KCNH1: variants seen among roughly 807,000 people sequenced by gnomAD.
The protein encoded by KCNH1 is voltage-gated delayed rectifier potassium channel KCNH1.
A neutral mutation model predicts 69.2 loss-of-function variants in KCNH1; 27 were observed. That is an observed-to-expected ratio of 0.39 (90% CI 0.29 to 0.54). The LOEUF (loss-of-function observed/expected upper bound fraction) is 0.54. Among genes scored for constraint, KCNH1 ranks in the 20% least tolerant of loss-of-function variants. The probability of loss-of-function intolerance (pLI) is 0.68; values close to 1 mark genes in which losing one functional copy is unlikely to be tolerated. For missense variants in KCNH1, 798 were observed against 1,261.6 expected (o/e 0.63, Z 5.57); for synonymous variants, 456 against 487.7 (o/e 0.93, Z 0.86).
intron 10 of KCNH1, among the ~76,000 whole-genome samples, chr1:210,733,018 T>C (rs774543315): frequency 6.6e-6 from 1 of 152,206 alleles, no homozygotes; most frequent in Non-Finnish European, 1.5e-5. Flanking sequence ...GTCTCTCAGA[T>C]ACCCTCTGGC....
At chr1:210,934,837 C>A (rs1687747020) in intron 6 of KCNH1, among the ~76,000 whole-genome samples, 1 of 150,832 alleles carries the variant, frequency 6.6e-6, no homozygotes. Context: ...TATTGGTGTA[C>A]AAGATAATAT....
intron 1 of KCNH1, among the ~76,000 whole-genome samples, chr1:211,120,578 T>C (rs1691667888): frequency 6.6e-6 from 1 of 152,086 alleles, no homozygotes; most frequent in Non-Finnish European, 1.5e-5. Flanking sequence ...GAACAAAAAG[T>C]CTTAGACCAT....
chr1:211,076,337 C>T (rs1193732453), intron 5 of KCNH1, among the ~76,000 whole-genome samples: 1 of 152,184 alleles, frequency 6.6e-6, no homozygotes, highest in Non-Finnish European at 1.5e-5. Context: ...CAGTAGGGTC[C>T]GACTGACACC....
intron 10 of KCNH1, among the ~76,000 whole-genome samples, chr1:210,696,239 G>A (rs1681636642): frequency 6.6e-6 from 1 of 152,148 alleles, no homozygotes; most frequent in Non-Finnish European, 1.5e-5. Flanking sequence ...AGGGCTGCAT[G>A]GAGCACCCAC....
In KCNH1 at chr1:210,956,164, G is replaced by A. The variant is rs140602696; in HGVS notation, c.1033-36095C>T. 9.1e-4 allele frequency among the ~76,000 whole-genome samples: 138 copies of A among 152,302 alleles called. 2 individuals carry two copies. The East Asian group carries it at 0.022, about 24-fold the overall frequency. ...TTACAGCATCTATGGAGATAATCGT[G>A]TGGTTTATGTCGTTGGTTCTGTTTA... is the stretch of plus-strand genomic sequence containing the variant. On this transcript the variant is annotated intron_variant, in intron 6 of 10. Coordinates refer to ENST00000271751, the MANE Select transcript of KCNH1 (RefSeq NM_172362.3).
Position 210,750,845 on chromosome 1 carries a change from T to C in KCNH1, c.2112+24503A>G, listed in dbSNP as rs371508133. ...ATACTATTAGAATCCAAGTTTGGGATGACTCTTAAAAATATGAGAGCTCAT... is the reference window on the plus strand; with the variant it reads ...ATACTATTAGAATCCAAGTTTGGGACGACTCTTAAAAATATGAGAGCTCAT... On this transcript the variant is annotated intron_variant, in intron 10 of 10. Transcript: ENST00000271751. Among the ~76,000 whole-genome samples the C allele has an allele frequency of 1.6e-4, 24 of 152,336 alleles. No homozygotes were observed. In the East Asian group the frequency reaches 3.9e-3, roughly 25 times the overall value.
intron 6 of KCNH1, among the ~76,000 whole-genome samples, chr1:211,014,007 G>A (rs1689447652): frequency 6.6e-6 from 1 of 152,168 alleles, no homozygotes; most frequent in South Asian, 2.1e-4. Context: ...CCATGAGTGT[G>A]AGCTCTTGGC....
intron 2 of KCNH1, among the ~76,000 whole-genome samples, chr1:211,107,005 G>T (rs567614105): frequency 7.6e-4 from 115 of 152,154 alleles, no homozygotes; most frequent in African/African-American, 2.6e-3. Context: ...AGACAGAATG[G>T]TTTTCCTGAG....
chr1:210,829,483 T>C (rs934610664), intron 7 of KCNH1, among the ~76,000 whole-genome samples: 5 of 152,092 alleles, frequency 3.3e-5, no homozygotes, highest in African/African-American at 1.2e-4. Flanking sequence ...AGTCAAATCA[T>C]GTCCCCTCGA....
chr1:210,688,794 C>G (rs888709593), intron 10 of KCNH1, among the ~76,000 whole-genome samples: 1 of 152,172 alleles, frequency 6.6e-6, no homozygotes, highest in Admixed American at 6.5e-5. Flanking sequence ...ATCACAGATC[C>G]TTAGTCAGGG....
intron 10 of KCNH1, among the ~76,000 whole-genome samples, chr1:210,756,417 G>T (rs1004568874): frequency 6.6e-6 from 1 of 152,138 alleles, no homozygotes; most frequent in African/African-American, 2.4e-5. Flanking sequence ...TTTCATATCT[G>T]GTTTAAGCAT....
At chr1:210,795,579 G>A (rs866097355) in intron 9 of KCNH1, among the ~76,000 whole-genome samples, 3 of 152,156 alleles carry the variant, frequency 2.0e-5, no homozygotes, top group African/African-American at 7.2e-5. Context: ...CAAAAAACAA[G>A]AAGGAAGCTA....
At chr1:210,732,921 C>T (rs759711096) in intron 10 of KCNH1, among the ~76,000 whole-genome samples, 1 of 152,210 alleles carries the variant, frequency 6.6e-6, no homozygotes, top group Non-Finnish European at 1.5e-5. Context: ...GAAACACGAA[C>T]ATTCAGACCA....
At chr1:210,936,415 C>T (rs1687775563) in intron 6 of KCNH1, among the ~76,000 whole-genome samples, 1 of 152,178 alleles carries the variant, frequency 6.6e-6, no homozygotes, top group South Asian at 2.1e-4. Context: ...CCTCTTCTCC[C>T]TTACATCCTG....
intron 7 of KCNH1, among the ~76,000 whole-genome samples, chr1:210,805,451 C>A (rs532274841): frequency 6.6e-6 from 1 of 152,134 alleles, no homozygotes; most frequent in South Asian, 2.1e-4. Context: ...TTTGTAATCC[C>A]TCCCTCCCAT....
intron 6 of KCNH1, among the ~76,000 whole-genome samples, chr1:210,981,485 AGTAACTAT>A (rs1688709679): frequency 6.6e-6 from 1 of 151,984 alleles, no homozygotes; most frequent in South Asian, 2.1e-4. Flanking sequence ...ACTGAGTAGG[AGTAACTAT>A]GTAGCTGTCC....
intron 7 of KCNH1, among the ~76,000 whole-genome samples, chr1:210,863,731 C>T (rs1365854377): frequency 6.6e-6 from 1 of 152,188 alleles, no homozygotes; most frequent in Non-Finnish European, 1.5e-5. Context: ...AGGAGCTGTG[C>T]CTTGCTGGTG....
intron 7 of KCNH1, among the ~76,000 whole-genome samples, chr1:210,845,300 C>G (rs373422907): frequency 6.6e-6 from 1 of 152,178 alleles, no homozygotes; most frequent in South Asian, 2.1e-4. Flanking sequence ...GACCAATATC[C>G]TTGATGAACA....
chr1:211,056,251 A>G (rs899003139), intron 5 of KCNH1, among the ~76,000 whole-genome samples: 8 of 152,240 alleles, frequency 5.3e-5, no homozygotes, highest in South Asian at 2.1e-4. Flanking sequence ...TTGAGTGAAC[A>G]TCGGCAGTAG....
Sources: allele counts gnomAD v4.1 joint callset (sites outside exome capture counted in the v4.1 genomes callset), GRCh38; gene constraint gnomAD v4.1.1; transcripts MANE v1.5; gene names NCBI Gene and HGNC (gene_info 2026-07-23, HGNC 2026-07-21).